Variants in SULF2 observed in about 807,000 individuals in gnomAD.
SULF2 encodes the protein sulfatase 2.
Under a neutral mutation model 107.7 loss-of-function variants are expected in SULF2, and 52 were observed. The ratio of observed to expected loss-of-function variants is 0.48; its 90% CI spans 0.39 to 0.61. The LOEUF (loss-of-function observed/expected upper bound fraction) is 0.61, where lower values mean the gene tolerates loss of function less well. SULF2 is among the 20% of genes least tolerant of loss of function. SULF2 has a pLI of 0.00. For synonymous variants in SULF2, 460 were observed against 464.3 expected (o/e 0.99, Z 0.12); for missense variants, 993 against 1,177.3 (o/e 0.84, Z 2.29).
intron 3 of SULF2, among the ~76,000 whole-genome samples, chr20:47,728,192 C>A (rs2089497086): frequency 6.6e-6 from 1 of 152,030 alleles, no homozygotes; most frequent in South Asian, 2.1e-4. Context: ...GGCAGCTGGA[C>A]CGAGGGAAGA....
At chr20:47,733,899 A>C (rs2089672366) in intron 3 of SULF2, among the ~76,000 whole-genome samples, 1 of 152,232 alleles carries the variant, frequency 6.6e-6, no homozygotes, top group African/African-American at 2.4e-5. Flanking sequence ...GGTCCACTTA[A>C]GTAGCATTTT....
intron 1 of SULF2, among the ~76,000 whole-genome samples, chr20:47,782,323 G>A (rs1159489649): frequency 6.6e-6 from 1 of 152,198 alleles, no homozygotes; most frequent in Non-Finnish European, 1.5e-5. Flanking sequence ...AGGCAACCAT[G>A]CCATTTATCG....
At chr20:47,687,889 T>C (rs2088064968) in intron 5 of SULF2, among the ~76,000 whole-genome samples, 1 of 152,116 alleles carries the variant, frequency 6.6e-6, no homozygotes, top group Non-Finnish European at 1.5e-5. Context: ...AAATTTTCTG[T>C]AGAGACAGAG....
At chr20:47,668,263 C>G (rs1602594329) in intron 11 of SULF2, among the ~76,000 whole-genome samples, 1 of 152,268 alleles carries the variant, frequency 6.6e-6, no homozygotes, top group Non-Finnish European at 1.5e-5. Context: ...CCAGGCCAGC[C>G]TCCATCTGTC....
In SULF2 at chr20:47,696,712, T is replaced by C. The variant is rs182540476; in HGVS notation, c.567+5807A>G. On this transcript the variant is annotated intron_variant, in intron 4 of 20. Transcript: ENST00000688720. ...AAGGAGTGTGGTGGGGGTGCCCTTA[T>C]ACAAGGTGGTCCAGGAAGGCTAAAG... Among the ~76,000 whole-genome samples, 560 of 152,240 alleles carry C rather than the reference T, an allele frequency of 3.7e-3. 3 individuals carry two copies. Among genetic ancestry groups the C allele is most frequent in the African/African-American group, 0.013 (520 of 41,532 alleles).
chr20:47,744,792 C>T (rs992146920), intron 2 of SULF2, among the ~76,000 whole-genome samples: 84 of 152,104 alleles, frequency 5.5e-4, no homozygotes, highest in African/African-American at 2.0e-3. Context: ...AGGAGAGGGG[C>T]ATTAAAGTCC....
rs146784611 is a variant in SULF2, at chr20:47,691,071, G to A, written c.568-776C>T. On this transcript the variant is annotated intron_variant, in intron 4 of 20. Coordinates refer to ENST00000688720, the MANE Select transcript of SULF2 (RefSeq NM_001387048.1). The stretch of plus-strand genomic sequence containing the variant: ...TAAGTAAATTGCCCAATGGCACACA[G>A]CTAGTAAATGTTGGACCCAGCACTA... Among the ~76,000 whole-genome samples the A allele has an allele frequency of 6.5e-4, 99 of 152,272 alleles. 1 individual carries two copies. Among genetic ancestry groups the A allele is most frequent in the Middle Eastern group, 6.8e-3 (2 of 294 alleles).
At position 47,663,439 on chromosome 20, in the gene SULF2, C is replaced by G; in HGVS notation, c.2227+14G>C. On this transcript the variant is annotated intron_variant, in intron 16 of 20. Transcript: ENST00000688720. ...GGGCCTCAGCCTGTCCACCCCTGCC[C>G]TGGGCTTGCTCACGTGTCCAGAAAG... 1 of 1,606,198 alleles carries G rather than the reference C, an allele frequency of 6.2e-7. No homozygotes were observed. Among genetic ancestry groups the G allele is most frequent in the Non-Finnish European group, 8.5e-7 (1 of 1,179,970 alleles).
intron 6 of SULF2, 28 bp from the exon 7 acceptor site, chr20:47,683,197 C>G (rs1463875294): frequency 2.6e-6 from 4 of 1,559,208 alleles, no homozygotes; most frequent in African/African-American, 2.7e-5. Flanking sequence ...AGGCAAGGGA[C>G]AGTGGGGACT....
chr20:47,698,809 A>G (rs2146581028), intron 4 of SULF2, among the ~76,000 whole-genome samples: 1 of 152,266 alleles, frequency 6.6e-6, no homozygotes, highest in East Asian at 1.9e-4. Context: ...AGGTGGGTGG[A>G]TCACCTGAGA....
intron 2 of SULF2, among the ~76,000 whole-genome samples, chr20:47,741,038 C>T (rs2089866284): frequency 6.6e-6 from 1 of 152,194 alleles, no homozygotes; most frequent in Non-Finnish European, 1.5e-5. Flanking sequence ...CGATCGTACC[C>T]TTGCCACCTC....
chr20:47,659,255 A>G, intron 20 of SULF2, 144 bp downstream of exon 20: 1 of 686,512 alleles, frequency 1.5e-6, no homozygotes, highest in Non-Finnish European at 2.5e-6. Flanking sequence ...TTAGGGAAAG[A>G]TGTGCATTAG....
intron 9 of SULF2, 75 bp downstream of exon 9, chr20:47,677,003 G>T: frequency 6.6e-7 from 1 of 1,508,634 alleles, no homozygotes; most frequent in African/African-American, 1.4e-5. Context: ...AGCATGATGC[G>T]GTGGGGCTAC....
At chr20:47,744,500 A>G (rs2089961279) in intron 2 of SULF2, among the ~76,000 whole-genome samples, 1 of 152,190 alleles carries the variant, frequency 6.6e-6, no homozygotes, top group South Asian at 2.1e-4. Context: ...GGCACTTGGC[A>G]TTCCTGCACG....
chr20:47,748,105 G>A (rs772152428), intron 2 of SULF2, among the ~76,000 whole-genome samples: 4 of 152,232 alleles, frequency 2.6e-5, no homozygotes, highest in Admixed American at 6.5e-5. Context: ...ACCTTCCATC[G>A]GGCATGCAAT....
At chr20:47,758,914 CAG>C (rs1311158603) in intron 1 of SULF2, among the ~76,000 whole-genome samples, 8 of 152,306 alleles carry the variant, frequency 5.3e-5, no homozygotes, top group African/African-American at 1.9e-4. Context: ...AGTCATGACT[CAG>C]AGGCTCAGCA....
At chr20:47,672,141 G>GC (rs1238984860) in intron 11 of SULF2, 57 bp downstream of exon 11, 10 of 1,527,766 alleles carry the variant, frequency 6.5e-6, no homozygotes, top group South Asian at 1.2e-5. Flanking sequence ...AATGAATGGG[G>GC]CCCCCCAGGC....
intron 1 of SULF2, among the ~76,000 whole-genome samples, chr20:47,770,996 G>A (rs566698228): frequency 2.0e-5 from 3 of 152,134 alleles, no homozygotes; most frequent in Non-Finnish European, 4.4e-5. Flanking sequence ...CTCAACAAAG[G>A]AGCATCAAGG....
At chr20:47,663,385 C>T in intron 16 of SULF2, 68 bp downstream of exon 16, 1 of 1,595,262 alleles carries the variant, frequency 6.3e-7, no homozygotes. Flanking sequence ...AGGTCTGGGT[C>T]ACTAAGTGGA....
Sources: allele counts gnomAD v4.1 joint callset (sites outside exome capture counted in the v4.1 genomes callset), GRCh38; gene constraint gnomAD v4.1.1; transcripts MANE v1.5; gene names NCBI Gene and HGNC (gene_info 2026-07-23, HGNC 2026-07-21).